Variants in CEMIP observed in about 807,000 individuals in gnomAD.
CEMIP encodes the protein cell migration inducing hyaluronidase 1, also known as cell migration-inducing and hyaluronan-binding protein.
A neutral mutation model predicts 156.9 loss-of-function variants in CEMIP; 105 were observed. The observed-to-expected ratio is 0.67, with a 90% CI of 0.57 to 0.79. The LOEUF is 0.79. Ranked by LOEUF, CEMIP falls within the 30% of genes least tolerant of loss-of-function variation. The pLI is 0.00. For synonymous variants in CEMIP, 676 were observed against 668.4 expected (o/e 1.01, Z -0.17); for missense variants, 1,457 against 1,769.4 (o/e 0.82, Z 3.17).
chr15:80,888,677 T>C, intron 8 of CEMIP, 24 bp from the exon 9 acceptor site: 1 of 1,611,416 alleles, frequency 6.2e-7, no homozygotes, highest in Non-Finnish European at 8.5e-7. Context: ...GTCCAGCTCC[T>C]AAAGGGTCTC....
intron 1 of CEMIP, among the ~76,000 whole-genome samples, chr15:80,830,577 G>A (rs1010565954): frequency 1.5e-4 from 23 of 152,312 alleles, no homozygotes; most frequent in Admixed American, 3.3e-4. Flanking sequence ...GAGCAGGAAA[G>A]GGGCACCTTG....
chr15:80,792,608 A>T (rs1007486528), intron 1 of CEMIP, among the ~76,000 whole-genome samples: 1 of 152,246 alleles, frequency 6.6e-6, no homozygotes, highest in Admixed American at 6.5e-5. Context: ...ACAAAATAGC[A>T]TGTCTCTTCC....
At chr15:80,942,086 T>G (rs1400709580) in intron 26 of CEMIP, 33 bp downstream of exon 26, 1 of 1,600,086 alleles carries the variant, frequency 6.2e-7, no homozygotes, top group Non-Finnish European at 8.5e-7. Context: ...TAGACCCCTT[T>G]GCCGTCCAGT....
At chr15:80,783,227 A>G (rs965171952) in intron 1 of CEMIP, among the ~76,000 whole-genome samples, 2 of 152,242 alleles carry the variant, frequency 1.3e-5, no homozygotes, top group Non-Finnish European at 2.9e-5. Flanking sequence ...TGCAATTTGC[A>G]TTTGCAGTTA....
intron 12 of CEMIP, among the ~76,000 whole-genome samples, chr15:80,900,237 GT>G (rs1899417901): frequency 6.6e-6 from 1 of 152,314 alleles, no homozygotes; most frequent in Non-Finnish European, 1.5e-5. Context: ...TGGGGTTGGG[GT>G]GTCCATGCAG....
chr15:80,945,784 T>G (rs60128578), intron 28 of CEMIP, among the ~76,000 whole-genome samples: 2,853 of 152,298 alleles, frequency 0.019, 94 homozygotes, highest in African/African-American at 0.065. Context: ...CTGCCCCATT[T>G]CTATTCCCAA....
At chr15:80,900,724 TTCC>T (rs920365917) in intron 12 of CEMIP, 1 of 330,938 alleles carries the variant, frequency 3.0e-6, no homozygotes, top group Admixed American at 4.2e-5. Flanking sequence ...GAGGCTCACA[TTCC>T]TCCTATTCAT....
chr15:80,885,646 A>C (rs1003027278), intron 7 of CEMIP, among the ~76,000 whole-genome samples: 1 of 152,232 alleles, frequency 6.6e-6, no homozygotes, highest in Non-Finnish European at 1.5e-5. Context: ...TGCACCTTCC[A>C]GGAGGTGTGA....
intron 1 of CEMIP, among the ~76,000 whole-genome samples, chr15:80,786,445 C>G (rs1376117364): frequency 6.6e-6 from 1 of 152,178 alleles, no homozygotes; most frequent in Middle Eastern, 3.4e-3. Context: ...AGGCTGGTCT[C>G]AAACTCCTGA....
At chr15:80,878,201 CA>C (rs1281741932) in intron 3 of CEMIP, among the ~76,000 whole-genome samples, 1 of 152,252 alleles carries the variant, frequency 6.6e-6, no homozygotes, top group Non-Finnish European at 1.5e-5. Flanking sequence ...ATTCACCAAT[CA>C]GGGGTCACTT....
intron 1 of CEMIP, among the ~76,000 whole-genome samples, chr15:80,798,274 C>T (rs1208968445): frequency 6.6e-6 from 1 of 152,132 alleles, no homozygotes; most frequent in Non-Finnish European, 1.5e-5. Flanking sequence ...TTATACGTAA[C>T]ACATCTTAAA....
intron 1 of CEMIP, among the ~76,000 whole-genome samples, chr15:80,803,466 A>T (rs962706389): frequency 1.2e-4 from 18 of 149,662 alleles, no homozygotes; most frequent in Non-Finnish European, 7.4e-5. Context: ...CTTTAGAATT[A>T]AAAAAAAAAT....
At chr15:80,901,531 G>T (rs567494022) in intron 12 of CEMIP, among the ~76,000 whole-genome samples, 8 of 151,912 alleles carry the variant, frequency 5.3e-5, no homozygotes, top group African/African-American at 1.9e-4. Context: ...GTGAAACCCC[G>T]TCTCTACTAA....
chr15:80,838,196 G>A (rs1047751204), intron 1 of CEMIP, among the ~76,000 whole-genome samples: 16 of 152,174 alleles, frequency 1.1e-4, no homozygotes, highest in Non-Finnish European at 1.9e-4. Flanking sequence ...CGCAGGGAGC[G>A]GAGGGTGGGG....
At chr15:80,817,061 G>T (rs958212137) in intron 1 of CEMIP, among the ~76,000 whole-genome samples, 1 of 152,132 alleles carries the variant, frequency 6.6e-6, no homozygotes, top group Non-Finnish European at 1.5e-5. Flanking sequence ...TTATAACAAG[G>T]CTATTTATAT....
intron 1 of CEMIP, among the ~76,000 whole-genome samples, chr15:80,801,372 A>G (rs1896373409): frequency 6.6e-6 from 1 of 152,160 alleles, no homozygotes; most frequent in Non-Finnish European, 1.5e-5. Flanking sequence ...CTAGCTCTCA[A>G]TTCAGTGGAT....
chr15:80,920,639 ACCC>A (rs1900437933), intron 15 of CEMIP, among the ~76,000 whole-genome samples: 1 of 151,998 alleles, frequency 6.6e-6, no homozygotes, highest in African/African-American at 2.4e-5. Flanking sequence ...GACCACACAG[ACCC>A]TTTTCTAGAT....
intron 1 of CEMIP, among the ~76,000 whole-genome samples, chr15:80,872,689 C>A (rs1236164181): frequency 6.6e-6 from 1 of 152,146 alleles, no homozygotes; most frequent in Non-Finnish European, 1.5e-5. Flanking sequence ...GTGGTGCATG[C>A]CTGCAATCCC....
chr15:80,814,795 G>A (rs1476950746), intron 1 of CEMIP, among the ~76,000 whole-genome samples: 2 of 152,210 alleles, frequency 1.3e-5, no homozygotes, highest in Non-Finnish European at 2.9e-5. Context: ...TTTCTCCAGT[G>A]TGAGTTGTAT....
Sources: gnomAD v4.1 joint callset for allele counts (sites outside exome capture counted in the v4.1 genomes callset) on GRCh38, gnomAD v4.1.1 for gene constraint, MANE v1.5 for transcripts, NCBI Gene and HGNC (gene_info 2026-07-23, HGNC 2026-07-21) for gene names.